ZNF678: variants seen among roughly 807,000 people sequenced by gnomAD.
ZNF678 encodes zinc finger protein 678, also known as hypothetical protein MGC42493.
In ZNF678, 5 loss-of-function variants were observed where a neutral mutation model predicts 3.0. The ratio of observed to expected loss-of-function variants is 1.69; its 90% confidence interval spans 0.88 to 3.56. The LOEUF is 3.56. Among genes scored for constraint, ZNF678 ranks in the 30% most tolerant of loss-of-function variants. The probability of loss-of-function intolerance (pLI) is 0.00; values close to 1 mark genes in which losing one functional copy is unlikely to be tolerated. For synonymous variants in ZNF678, 218 were observed against 199.6 expected, an observed-to-expected ratio of 1.09 and a Z score of -0.78; for missense variants, 593 against 605.0, an observed-to-expected ratio of 0.98 and a Z score of 0.21.
chr1:227,652,114 G>A (rs1659106145), intron 3 of ZNF678, among the ~76,000 whole-genome samples: 1 of 152,134 alleles, frequency 6.6e-6, no homozygotes, highest in Non-Finnish European at 1.5e-5. Flanking sequence ...GTATTCATGA[G>A]TGCTTATAAA....
In ZNF678 at chr1:227,637,984, C is replaced by T. The variant is rs552624850; in HGVS notation, c.-163-8560C>T. ...AGTTTAAAAGAGATAGTATGGGTGT[C>T]GAAGTCTCTTTGGGAGGGGCTACAC... is the stretch of plus-strand genomic sequence containing the variant. On this transcript the variant is annotated intron_variant, in intron 1 of 3. Coordinates refer to ENST00000343776, the MANE Select transcript of ZNF678 (RefSeq NM_001367909.1). Among the ~76,000 whole-genome samples the T allele has an allele frequency of 1.4e-4, 22 of 152,104 alleles. No homozygotes were observed. The East Asian group carries it at 1.7e-3, about 12-fold the overall frequency.
intron 1 of ZNF678, among the ~76,000 whole-genome samples, chr1:227,569,459 G>A (rs1337057655): frequency 6.6e-6 from 1 of 152,018 alleles, no homozygotes. Context: ...GAAATTTATT[G>A]TTTTTAAAAT....
chr1:227,567,709 TA>T lies in ZNF678; in HGVS notation c.-164+3986del, dbSNP rs1656730323. Among the ~76,000 whole-genome samples, 9 of 152,202 alleles carry T rather than the reference TA, an allele frequency of 5.9e-5. No individual in the cohort carries two copies. The South Asian group carries it at 1.9e-3, about 31-fold the overall frequency. On this transcript the variant is annotated intron_variant, in intron 1 of 3. Coordinates refer to ENST00000343776, the MANE Select transcript of ZNF678 (RefSeq NM_001367909.1). ...TCTTTTTTTTTTGATTTTTTATTTT[TA>T]TTTTTTTATTTTTTTTCCTCCAGAA...
At chr1:227,573,602 T>C (rs929895795) in intron 1 of ZNF678, among the ~76,000 whole-genome samples, 1 of 152,224 alleles carries the variant, frequency 6.6e-6, no homozygotes, top group Admixed American at 6.5e-5. Flanking sequence ...TTAGTAAATG[T>C]CTATTTTTTC....
chr1:227,663,480 T>A (rs534094447), downstream of ZNF678, among the ~76,000 whole-genome samples: 1 of 152,274 alleles, frequency 6.6e-6, no homozygotes, highest in East Asian at 1.9e-4. Flanking sequence ...TGCAGAGAAA[T>A]GCGTAGGATA....
chr1:227,569,491 C>T (rs1201102068), intron 1 of ZNF678, among the ~76,000 whole-genome samples: 3 of 152,010 alleles, frequency 2.0e-5, no homozygotes, highest in East Asian at 1.9e-4. Context: ...ATTAAGAGCA[C>T]GCAAAAGTTG....
chr1:227,654,208 TC>T, intron 3 of ZNF678, 127 bp from the exon 4 acceptor site: 1 of 753,762 alleles, frequency 1.3e-6, no homozygotes, highest in Non-Finnish European at 1.9e-6. Context: ...CAAAAAGGAA[TC>T]ATGGCATGTG....
intron 1 of ZNF678, among the ~76,000 whole-genome samples, chr1:227,597,555 A>C (rs1175616345): frequency 6.6e-6 from 1 of 152,186 alleles, no homozygotes; most frequent in African/African-American, 2.4e-5. Flanking sequence ...AGTGTAATCA[A>C]AATTAATTCA....
Position 227,567,703 on chromosome 1 carries a change from T to G in ZNF678, c.-164+3979T>G, listed in dbSNP as rs186979984. ...CTTAATTCTTTTTTTTTTGATTTTT[T>G]ATTTTTATTTTTTTATTTTTTTTCC... On this transcript the variant is annotated intron_variant, in intron 1 of 3. Coordinates refer to ENST00000343776, the MANE Select transcript of ZNF678 (RefSeq NM_001367909.1). Among the ~76,000 whole-genome samples the G allele has an allele frequency of 4.1e-3, 621 of 152,184 alleles. 7 individuals carry two copies. Among genetic ancestry groups the G allele is most frequent in the Non-Finnish European group, 7.4e-3 (503 of 67,998 alleles).
chr1:227,604,613 TC>T (rs1657819505), intron 1 of ZNF678, among the ~76,000 whole-genome samples: 1 of 152,124 alleles, frequency 6.6e-6, no homozygotes, highest in Non-Finnish European at 1.5e-5. Context: ...GATCTCAAAC[TC>T]CCGGGCTCAA....
chr1:227,616,048 T>C (rs2102765153), intron 1 of ZNF678, among the ~76,000 whole-genome samples: 1 of 152,308 alleles, frequency 6.6e-6, no homozygotes, highest in East Asian at 1.9e-4. Flanking sequence ...CAAGGTGCCC[T>C]TCTAGAGGAT....
chr1:227,571,723 A>C (rs571946502), intron 1 of ZNF678, among the ~76,000 whole-genome samples: 13 of 152,222 alleles, frequency 8.5e-5, no homozygotes, highest in Admixed American at 1.3e-4. Context: ...TGACCAAGGA[A>C]ATTTCTGATA....
At chr1:227,653,538 T>C (rs1659139963) in intron 3 of ZNF678, among the ~76,000 whole-genome samples, 1 of 152,222 alleles carries the variant, frequency 6.6e-6, no homozygotes, top group African/African-American at 2.4e-5. Flanking sequence ...ACTTTGCATA[T>C]GTTGTAATCT....
At chr1:227,623,416 G>T (rs1237867379) in intron 1 of ZNF678, among the ~76,000 whole-genome samples, 1 of 152,166 alleles carries the variant, frequency 6.6e-6, no homozygotes, top group Non-Finnish European at 1.5e-5. Flanking sequence ...TACCTGACAG[G>T]TTTGTTGGCA....
chr1:227,643,612 A>T (rs911692583), intron 1 of ZNF678, among the ~76,000 whole-genome samples: 2 of 152,180 alleles, frequency 1.3e-5, no homozygotes, highest in African/African-American at 2.4e-5. Flanking sequence ...AAACAGATAA[A>T]TGGGAGCCGA....
chr1:227,608,363 T>C (rs1263312396), intron 1 of ZNF678, among the ~76,000 whole-genome samples: 1 of 152,124 alleles, frequency 6.6e-6, no homozygotes, highest in Non-Finnish European at 1.5e-5. Flanking sequence ...TTAAAATAGG[T>C]AAATAAATAC....
intron 1 of ZNF678, among the ~76,000 whole-genome samples, chr1:227,572,792 T>G (rs1275981714): frequency 6.6e-6 from 1 of 152,222 alleles, no homozygotes; most frequent in Non-Finnish European, 1.5e-5. Context: ...TGGCAAGGCC[T>G]TCTGGAGTCT....
At position 227,563,635 on chromosome 1, in the gene ZNF678, C is replaced by T. The variant is rs1467360149; in HGVS notation, c.-253C>T. 6 of 1,290,202 alleles carry T rather than the reference C, an allele frequency of 4.7e-6. No homozygotes were observed. The highest frequency in any genetic ancestry group is 4.6e-5 in the African/African-American group (3 of 65,698). 79.9% of individuals were successfully genotyped at this position (1,290,202 alleles called of 1,614,324 possible). A position where few individuals can be genotyped will look rare whatever the true frequency, so the allele number is the denominator to read the frequency against. Reference sequence around the variant, plus strand: ...CCAGCTGCGGGAGGCCCTGGTGACTCTGCTGCTGCAGTGTCTGGTTTCCCT... The same window carrying T: ...CCAGCTGCGGGAGGCCCTGGTGACTTTGCTGCTGCAGTGTCTGGTTTCCCT... On this transcript the variant is annotated 5_prime_UTR_variant, in exon 1 of 4. Transcript: ENST00000343776.
intron 1 of ZNF678, among the ~76,000 whole-genome samples, chr1:227,613,328 A>G (rs907505434): frequency 6.6e-6 from 1 of 152,122 alleles, no homozygotes; most frequent in African/African-American, 2.4e-5. Flanking sequence ...CAGGACAGCA[A>G]TTCTCAGATT....
Sources: gnomAD v4.1 joint callset for allele counts (sites outside exome capture counted in the v4.1 genomes callset) on GRCh38, gnomAD v4.1.1 for gene constraint, MANE v1.5 for transcripts, NCBI Gene and HGNC (gene_info 2026-07-23, HGNC 2026-07-21) for gene names.